The following TBC1D2 variants were observed in gnomAD, a reference collection of about 807,000 sequenced individuals.
TBC1D2 encodes the protein TBC1 domain family member 2A.
TBC1D2 carries 58 observed loss-of-function variants against 91.1 expected under a neutral mutation model. The ratio of observed to expected loss-of-function variants is 0.64; its 90% CI spans 0.52 to 0.79. The LOEUF is 0.79. Ranked by LOEUF, TBC1D2 falls within the 30% of genes least tolerant of loss-of-function variation. The pLI is 0.00. For missense variants in TBC1D2, 1,080 were observed against 1,208.3 expected, an observed-to-expected ratio of 0.89 and a Z score of 1.57; for synonymous variants, 482 against 511.5, an observed-to-expected ratio of 0.94 and a Z score of 0.78.
At chr9:98,244,234 T>C (rs558629227) in intron 2 of TBC1D2, 105 bp from the exon 3 acceptor site, 12 of 1,482,376 alleles carry the variant, frequency 8.1e-6, no homozygotes, top group African/African-American at 2.8e-5. Flanking sequence ...CAGGCTGGAG[T>C]TGGAGAGTTG....
Position 98,238,422 on chromosome 9 carries a change from A to C in TBC1D2, c.648-4873T>G, listed in dbSNP as rs188761495. ...ACAGGTGTATAGAAATACAACTGAT[A>C]TTTCTATATTGATCTTGAATCCTGC... On this transcript the variant is annotated intron_variant, in intron 3 of 12. Coordinates refer to ENST00000465784, the MANE Select transcript of TBC1D2 (RefSeq NM_001267571.2). Among the ~76,000 whole-genome samples, 11 of 137,212 alleles carry C rather than the reference A, an allele frequency of 8.0e-5. 5 individuals are homozygous for C. Among genetic ancestry groups the C allele is most frequent in the African/African-American group, 3.3e-4 (9 of 27,680 alleles). 90.0% of individuals were successfully genotyped at this position (137,212 alleles called of 152,430 possible).
intron 7 of TBC1D2, 81 bp downstream of exon 7, chr9:98,213,027 A>G: frequency 6.8e-7 from 1 of 1,471,542 alleles, no homozygotes; most frequent in South Asian, 1.2e-5. Context: ...GGAAATGAGG[A>G]GAGTGAGACG....
rs1482108578 is a variant in TBC1D2 at position 98,238,565 on chromosome 9, C to T, written c.648-5016G>A. Among the ~76,000 whole-genome samples, 3 of 136,786 alleles carry T rather than the reference C, an allele frequency of 2.2e-5. 1 individual carries two copies. The highest frequency in any genetic ancestry group is 7.3e-5 in the African/African-American group (2 of 27,342). The allele number at this position is 136,786 out of a possible 152,430, so 89.7% of individuals were successfully genotyped here. A position where few individuals can be genotyped will look rare whatever the true frequency, so the allele number is the denominator to read the frequency against. On this transcript the variant is annotated intron_variant, in intron 3 of 12. Coordinates refer to ENST00000465784, the MANE Select transcript of TBC1D2 (RefSeq NM_001267571.2). ...ACTTTTTTCCTTCCCAATCTGGATG[C>T]CTAATTTCATGTTCTTGCCTAATTG... is the stretch of plus-strand genomic sequence containing the variant.
intron 3 of TBC1D2, among the ~76,000 whole-genome samples, chr9:98,238,792 G>A (rs957542521): frequency 5.1e-5 from 7 of 137,010 alleles, no homozygotes; most frequent in Non-Finnish European, 1.0e-4. Context: ...AGGCTGGAGT[G>A]TAGTGGTACA....
In TBC1D2 at chr9:98,228,844, G is replaced by C; in HGVS notation, c.978+108C>G. On this transcript the variant is annotated intron_variant, in intron 5 of 12. Coordinates refer to ENST00000465784, the MANE Select transcript of TBC1D2 (RefSeq NM_001267571.2). This position sits in a 1 kb window ranked among gnomAD's most constrained non-coding sequence, Gnocchi z 4.0. ...CAGTTTGGCCTTTAAAGACCAGAGA[G>C]TAGCTGGTGCCCAGCACGGCTAATG... 9.3e-7 allele frequency: 1 copy of C among 1,077,550 alleles called. No homozygotes were observed. Among genetic ancestry groups the C allele is most frequent in the Non-Finnish European group, 1.3e-6 (1 of 740,866 alleles). 66.7% of individuals were successfully genotyped at this position (1,077,550 alleles called of 1,614,324 possible). A position where few individuals can be genotyped will look rare whatever the true frequency, so the allele number is the denominator to read the frequency against.
intron 2 of TBC1D2, among the ~76,000 whole-genome samples, chr9:98,246,149 GAC>G (rs546291591): frequency 5.3e-4 from 80 of 152,280 alleles, no homozygotes; most frequent in Non-Finnish European, 8.5e-4. Flanking sequence ...AAAGAGCCAG[GAC>G]CACTTATGGG....
intron 9 of TBC1D2, among the ~76,000 whole-genome samples, chr9:98,205,310 C>T (rs1433813292): frequency 2.6e-5 from 4 of 152,190 alleles, no homozygotes; most frequent in African/African-American, 9.7e-5. Context: ...GTTGCTAGGG[C>T]TTACTAACTG....
rs1573025 is a variant in TBC1D2, at chr9:98,229,148, C to A, written c.782G>T (p.Gly261Val). The A allele has an allele frequency of 0.18, 286,676 of 1,613,520 alleles. 25,781 individuals carry two copies. The highest frequency in any genetic ancestry group is 0.19 in the Admixed American group (11,135 of 59,992). ...QPLASDASTP[G>V]REPEDSPKPA... ...CTTTGGAGAATCCTCTGGCTCTCTC[C>A]CTGCTCAAGAGGAGAAACGCAGAAG... is the stretch of plus-strand genomic sequence containing the variant. The change falls in exon 5 of 13, where the codon GGG becomes GTG. Residue 261 changes from glycine (G) to valine (V), a missense_variant and splice_region_variant. Gly to Val is a moderately radical substitution (Grantham distance 109). Coordinates refer to ENST00000465784, the MANE Select transcript of TBC1D2 (RefSeq NM_001267571.2).
intron 5 of TBC1D2, among the ~76,000 whole-genome samples, chr9:98,223,248 G>A (rs1829142886): frequency 6.6e-6 from 1 of 152,220 alleles, no homozygotes; most frequent in South Asian, 2.1e-4. Flanking sequence ...GCCAGAGATG[G>A]TCGAGCAGCA....
intron 5 of TBC1D2, among the ~76,000 whole-genome samples, chr9:98,224,035 T>C (rs1342379249): frequency 6.6e-6 from 1 of 151,706 alleles, no homozygotes; most frequent in Non-Finnish European, 1.5e-5. Context: ...CCGTCTCTAC[T>C]AAAAATACAA....
intron 11 of TBC1D2, among the ~76,000 whole-genome samples, chr9:98,201,224 G>C (rs935916001): frequency 6.6e-6 from 1 of 152,136 alleles, no homozygotes; most frequent in African/African-American, 2.4e-5. Context: ...TAGGGGGCAA[G>C]GACAGCATAG....
intron 2 of TBC1D2, among the ~76,000 whole-genome samples, chr9:98,247,810 G>A (rs956572518): frequency 3.3e-5 from 5 of 150,508 alleles, no homozygotes; most frequent in African/African-American, 1.2e-4. Context: ...GCCAGACTCT[G>A]AACTGATTCG....
At chr9:98,251,121 C>T (rs112839417) in intron 2 of TBC1D2, among the ~76,000 whole-genome samples, 18,474 of 151,978 alleles carry the variant, frequency 0.12, 2,601 homozygotes, top group African/African-American at 0.35. Flanking sequence ...CCCATCTCTA[C>T]TAAAAATACA....
At chr9:98,203,981 T>C (rs531485288) in intron 9 of TBC1D2, among the ~76,000 whole-genome samples, 23 of 152,198 alleles carry the variant, frequency 1.5e-4, no homozygotes, top group Non-Finnish European at 3.2e-4. Context: ...GCTCACTGCC[T>C]GGCATTTAGG....
intron 10 of TBC1D2, among the ~76,000 whole-genome samples, chr9:98,203,020 G>C (rs541890133): frequency 6.6e-6 from 1 of 152,244 alleles, no homozygotes; most frequent in Non-Finnish European, 1.5e-5. Context: ...GAGGATGAAG[G>C]CCACCTGCCA....
intron 9 of TBC1D2, among the ~76,000 whole-genome samples, chr9:98,205,926 T>C (rs1270393517): frequency 6.6e-6 from 1 of 151,682 alleles, no homozygotes; most frequent in Non-Finnish European, 1.5e-5. Flanking sequence ...CCTGCAGGCT[T>C]GGGTTTAGAG....
intron 2 of TBC1D2, among the ~76,000 whole-genome samples, chr9:98,244,379 C>A (rs1829718310): frequency 6.6e-6 from 1 of 152,158 alleles, no homozygotes; most frequent in African/African-American, 2.4e-5. Context: ...GCAGACCTGG[C>A]TGGGAGCGGT....
chr9:98,226,498 A>G (rs1829236658), intron 5 of TBC1D2, among the ~76,000 whole-genome samples: 1 of 152,180 alleles, frequency 6.6e-6, no homozygotes, highest in Admixed American at 6.5e-5. Flanking sequence ...CTGCAACTCC[A>G]TTTACAGAAG....
rs538999044 is a variant in TBC1D2 at position 98,228,981 on chromosome 9, T to A, written c.949A>T (p.Met317Leu). Residue 317 changes from methionine (M) to leucine (L), a missense_variant, in exon 5 of 13, where the codon ATG becomes TTG. Physicochemically the swap from Met to Leu is conservative, Grantham distance 15. Coordinates refer to ENST00000465784, the MANE Select transcript of TBC1D2 (RefSeq NM_001267571.2). This position sits in a 1 kb window ranked among gnomAD's most constrained non-coding sequence, Gnocchi z 4.0. Reference protein sequence around the residue: ...KVAALEQQVLMLTKELKSQKE... With the variant: ...KVAALEQQVLLLTKELKSQKE... ...TGAGACTTTAACTCCTTGGTGAGCATCAGAACCTGTTGCTCCAAGGCTGCC... is the reference window on the plus strand; with the variant it reads ...TGAGACTTTAACTCCTTGGTGAGCAACAGAACCTGTTGCTCCAAGGCTGCC... 57 of 1,614,006 alleles carry A rather than the reference T, an allele frequency of 3.5e-5. 2 individuals carry two copies. The South Asian group carries it at 5.7e-4, about 16-fold the overall frequency.
Sources: allele counts gnomAD v4.1 joint callset (sites outside exome capture counted in the v4.1 genomes callset), GRCh38; gene constraint gnomAD v4.1.1; non-coding constraint Gnocchi (gnomAD v3.1); transcripts MANE v1.5; gene names NCBI Gene and HGNC (gene_info 2026-07-23, HGNC 2026-07-21).